CFAP20DC: variants seen among roughly 807,000 people sequenced by gnomAD.
CFAP20DC encodes CFAP20 domain containing.
A neutral mutation model predicts 101.7 loss-of-function variants in CFAP20DC; 84 were observed. The observed-to-expected ratio is 0.83, with a 90% CI of 0.69 to 0.99. The LOEUF is 0.99. Among genes scored for constraint, CFAP20DC ranks in the 50% least tolerant of loss-of-function variants. The pLI is 0.00. For synonymous variants in CFAP20DC, 359 were observed against 351.2 expected (o/e 1.02, Z -0.25); for missense variants, 1,007 against 970.3 (o/e 1.04, Z -0.50).
At chr3:58,819,139 G>A (rs1205662962) in intron 14 of CFAP20DC, among the ~76,000 whole-genome samples, 3 of 145,350 alleles carry the variant, frequency 2.1e-5, no homozygotes, top group African/African-American at 7.9e-5. Context: ...CGCATTCAAA[G>A]CAATGTGTAG....
At chr3:58,852,743 A>G (rs1000880569) in intron 12 of CFAP20DC, among the ~76,000 whole-genome samples, 1 of 151,736 alleles carries the variant, frequency 6.6e-6, no homozygotes, top group Admixed American at 6.6e-5. Context: ...TACTGGGTAC[A>G]TAACGAAATG....
At chr3:58,798,003 T>C (rs2073385114) in intron 15 of CFAP20DC, among the ~76,000 whole-genome samples, 1 of 152,188 alleles carries the variant, frequency 6.6e-6, no homozygotes, top group Non-Finnish European at 1.5e-5. Flanking sequence ...TTACTGGTCA[T>C]TGGCAATGCA....
chr3:59,032,436 T>C (rs557660926), intron 4 of CFAP20DC, among the ~76,000 whole-genome samples: 4 of 152,146 alleles, frequency 2.6e-5, no homozygotes, highest in Non-Finnish European at 4.4e-5. Context: ...TCCAGCAAGC[T>C]AAGATCCACT....
intron 15 of CFAP20DC, among the ~76,000 whole-genome samples, chr3:58,784,553 T>C (rs2072145859): frequency 6.6e-6 from 1 of 152,114 alleles, no homozygotes; most frequent in African/African-American, 2.4e-5. Flanking sequence ...TAATATTCTT[T>C]ATTCAGTCCA....
rs532760508 is a variant in CFAP20DC at position 59,042,610 on chromosome 3, C to A, written c.206-2981G>T. 2.0e-5 allele frequency among the ~76,000 whole-genome samples: 3 copies of A among 151,960 alleles called. No homozygotes were observed. In the South Asian group the frequency reaches 6.2e-4, roughly 32 times the overall value. ...AGAAGGGCACCAGATACTGCAGAGT[C>A]CTGTAGGTTTTTGAGTTTTAATCTG... is the stretch of plus-strand genomic sequence containing the variant. On this transcript the variant is annotated intron_variant, in intron 3 of 16. Coordinates refer to ENST00000482387, the MANE Select transcript of CFAP20DC (RefSeq NM_001394063.1).
chr3:58,808,629 A>C (rs1452910783), intron 14 of CFAP20DC, among the ~76,000 whole-genome samples: 1 of 152,134 alleles, frequency 6.6e-6, no homozygotes, highest in Non-Finnish European at 1.5e-5. Context: ...TGTAAAGACC[A>C]TCGAGGCTAG....
chr3:58,863,237 T>A lies in CFAP20DC; in HGVS notation c.1593+321A>T, dbSNP rs2079397280. 7.4e-7 allele frequency: 1 copy of A among 1,343,154 alleles called. No homozygotes were observed. The highest frequency in any genetic ancestry group is 9.5e-7 in the Non-Finnish European group (1 of 1,053,208). The allele number at this position is 1,343,154 out of a possible 1,614,324, so 83.2% of individuals were successfully genotyped here. On this transcript the variant is annotated intron_variant, in intron 12 of 16. Coordinates refer to ENST00000482387, the MANE Select transcript of CFAP20DC (RefSeq NM_001394063.1). This position sits in a 1 kb window ranked among gnomAD's most constrained non-coding sequence, Gnocchi z 5.9. ...TCTAGAACAGTATATTCTCAGTGTT[T>A]TACTGGTCTTGCTATCATAGCACTA...
At position 58,732,419 on chromosome 3, in the gene CFAP20DC, T is replaced by A. The variant is rs1367021672; in HGVS notation, c.198-14791A>T. Among the ~76,000 whole-genome samples the A allele has an allele frequency of 6.6e-6, 1 of 152,154 alleles. No individual in the cohort carries two copies. ...TATAGAATGTGATCAGGTGGCAGAG[T>A]GACAACCTGAACCTCGAGTGGTCCA... is the stretch of plus-strand genomic sequence containing the variant. On this transcript the variant is annotated intron_variant, in intron 3 of 3. Coordinates refer to the CFAP20DC transcript ENST00000486145. This position sits in a 1 kb window ranked among gnomAD's most constrained non-coding sequence, Gnocchi z 5.4.
rs61687824 is a variant in CFAP20DC at position 58,743,364 on chromosome 3, T to C, written c.2333-792A>G. Among the ~76,000 whole-genome samples the C allele has an allele frequency of 4.5e-3, 689 of 152,160 alleles. 5 individuals are homozygous for C. Among genetic ancestry groups the C allele is most frequent in the African/African-American group, 0.016 (650 of 41,510 alleles). On this transcript the variant is annotated intron_variant, in intron 16 of 16. Transcript: ENST00000482387. The stretch of plus-strand genomic sequence containing the variant: ...AAGTACTTTTGTATTCAAAAGTGAG[T>C]GCATTCTGAGTACTTCTGAAAGTTC...
rs1014963985 is a variant in CFAP20DC at position 59,047,192 on chromosome 3, G to C, written c.84C>G (p.Ile28Met). ...TCCAAATCACAGATGGACTACCAAG[G>C]ATCTTCCATTTTGCTCCAGGATTTT... ...QGKNPGAKWK[I>M]LGSPSVIWKE... Residue 28 changes from isoleucine to methionine, a missense_variant, in exon 2 of 17, where the codon ATC (isoleucine) becomes ATG (methionine). Coordinates refer to ENST00000482387, the MANE Select transcript of CFAP20DC (RefSeq NM_001394063.1). The C allele has an allele frequency of 2.0e-6, 3 of 1,534,880 alleles. No individual in the cohort carries two copies. The highest frequency in any genetic ancestry group is 2.6e-6 in the Non-Finnish European group (3 of 1,146,058).
intron 6 of CFAP20DC, among the ~76,000 whole-genome samples, chr3:58,888,178 T>A (rs534374897): frequency 6.6e-6 from 1 of 152,246 alleles, no homozygotes; most frequent in Non-Finnish European, 1.5e-5. Flanking sequence ...AGACCCTACA[T>A]AAACATTAAA....
chr3:58,783,822 G>T (rs1192276128), intron 15 of CFAP20DC, among the ~76,000 whole-genome samples: 1 of 151,932 alleles, frequency 6.6e-6, no homozygotes, highest in Non-Finnish European at 1.5e-5. Context: ...AAAACATGAT[G>T]GCAAGGATGT....
chr3:58,971,263 T>TCA lies in CFAP20DC; in HGVS notation c.279-33503_279-33502dup, dbSNP rs1229925452. 6.6e-6 allele frequency among the ~76,000 whole-genome samples: 1 copy of TCA among 152,192 alleles called. No homozygotes were observed. Among genetic ancestry groups the TCA allele is most frequent in the Non-Finnish European group, 1.5e-5 (1 of 68,034 alleles). On this transcript the variant is annotated intron_variant, in intron 4 of 16. Transcript: ENST00000482387. This position sits in a 1 kb window ranked among gnomAD's most constrained non-coding sequence, Gnocchi z 4.1. The stretch of plus-strand genomic sequence containing the variant: ...CACAAATCACAAATCAGTTAAGGAT[T>TCA]CACAATTATCAACACAAACTATGAT...
intron 4 of CFAP20DC, among the ~76,000 whole-genome samples, chr3:58,943,000 C>T (rs1314081030): frequency 6.6e-6 from 1 of 152,196 alleles, no homozygotes; most frequent in East Asian, 1.9e-4. Flanking sequence ...TCTGCAAAGC[C>T]GCTGTAGCCA....
At chr3:58,940,504 T>C (rs2088390520) in intron 4 of CFAP20DC, among the ~76,000 whole-genome samples, 1 of 152,220 alleles carries the variant, frequency 6.6e-6, no homozygotes, top group African/African-American at 2.4e-5. Flanking sequence ...TTTATACAAT[T>C]GTCCCAACAC....
chr3:58,921,039 T>TA (rs1383624119), intron 5 of CFAP20DC, among the ~76,000 whole-genome samples: 1 of 152,210 alleles, frequency 6.6e-6, no homozygotes, highest in Non-Finnish European at 1.5e-5. Context: ...TTTTCCCACT[T>TA]ATCTAAGTTG....
chr3:58,775,745 C>CT (rs745494338), intron 15 of CFAP20DC, among the ~76,000 whole-genome samples: 3,494 of 133,670 alleles, frequency 0.026, 154 homozygotes, highest in African/African-American at 0.083. Context: ...CCTTTTCTGT[C>CT]TTTTTTTTTT....
At position 58,806,824 on chromosome 3, in the gene CFAP20DC, G is replaced by A. The variant is rs563842711; in HGVS notation, c.2176-368C>T. On this transcript the variant is annotated intron_variant, in intron 14 of 16. Transcript: ENST00000482387. Reference sequence around the variant, plus strand: ...AGTTCCCTTTCCTAGTCAAAGAAAGGGGTGACAGATGGCACCTGGAAAATC... The same window carrying A: ...AGTTCCCTTTCCTAGTCAAAGAAAGAGGTGACAGATGGCACCTGGAAAATC... Among the ~76,000 whole-genome samples, 581 of 152,300 alleles carry A rather than the reference G, an allele frequency of 3.8e-3. 3 individuals are homozygous for A. Among genetic ancestry groups the A allele is most frequent in the African/African-American group, 0.013 (556 of 41,566 alleles).
chr3:58,802,350 T>C (rs1259890179), intron 15 of CFAP20DC, among the ~76,000 whole-genome samples: 1 of 152,234 alleles, frequency 6.6e-6, no homozygotes, highest in Admixed American at 6.5e-5. Flanking sequence ...TCAACATGAA[T>C]GAACTGTGAA....
Sources: allele counts gnomAD v4.1 joint callset (sites outside exome capture counted in the v4.1 genomes callset), GRCh38; gene constraint gnomAD v4.1.1; non-coding constraint Gnocchi (gnomAD v3.1); transcripts MANE v1.5; gene names NCBI Gene and HGNC (gene_info 2026-07-23, HGNC 2026-07-21).